LRRC37A: variants seen among roughly 807,000 people sequenced by gnomAD.
LRRC37A encodes leucine-rich repeat-containing protein 37A.
A neutral mutation model predicts 35.4 loss-of-function variants in LRRC37A; 3 were observed. That is an observed-to-expected ratio of 0.08 (90% CI 0.04 to 0.22). The LOEUF (loss-of-function observed/expected upper bound fraction) is 0.22. LRRC37A is among the 10% of genes least tolerant of loss of function. The pLI is 1.00. For synonymous variants in LRRC37A, 23 were observed against 215.0 expected, an observed-to-expected ratio of 0.11 and a Z score of 7.81; for missense variants, 67 against 565.3, an observed-to-expected ratio of 0.12 and a Z score of 8.94.
chr17:46,268,755 A>G, the LRRC37A span: 16 of 1,192,184 alleles, frequency 1.3e-5, no homozygotes, highest in Middle Eastern at 2.4e-4. Flanking sequence ...TGAAAGGTCT[A>G]TCTTCATGTA....
At chr17:46,275,711 T>C in the LRRC37A span, among the ~76,000 whole-genome samples, 1 of 152,220 alleles carries the variant, frequency 6.6e-6, no homozygotes, top group Non-Finnish European at 1.5e-5. Context: ...AATAGAGACA[T>C]TTACAGAAGC....
chr17:46,290,465 G>A (rs2050036112), upstream of LRRC37A, among the ~76,000 whole-genome samples: 2 of 152,202 alleles, frequency 1.3e-5, no homozygotes, highest in Non-Finnish European at 2.9e-5. Flanking sequence ...TGAAGCTACA[G>A]TTTTTTGTTT....
At chr17:46,287,248 A>G in the LRRC37A span, among the ~76,000 whole-genome samples, 1 of 152,216 alleles carries the variant, frequency 6.6e-6, no homozygotes, top group Non-Finnish European at 1.5e-5. Context: ...TAAACCACAC[A>G]CTGATGGTAA....
At chr17:46,251,013 C>A in the LRRC37A span, among the ~76,000 whole-genome samples, 6 of 152,310 alleles carry the variant, frequency 3.9e-5, no homozygotes, top group Admixed American at 1.3e-4. Flanking sequence ...TTCTCAGCCT[C>A]CTGAGAGCCC....
upstream of LRRC37A, among the ~76,000 whole-genome samples, chr17:46,289,170 C>G (rs1319126791): frequency 6.6e-6 from 1 of 152,238 alleles, no homozygotes; most frequent in African/African-American, 2.4e-5. Context: ...GAAATCATAT[C>G]TATGACCAAG....
chr17:46,268,531 T>G, the LRRC37A span: 2 of 1,450,598 alleles, frequency 1.4e-6, no homozygotes, highest in South Asian at 3.0e-5. Flanking sequence ...ATGGGCCACA[T>G]CTACCATAAG....
At chr17:46,290,149 A>G (rs1348070574), upstream of LRRC37A, among the ~76,000 whole-genome samples, 4 of 152,248 alleles carry the variant, frequency 2.6e-5, no homozygotes. Context: ...TTTTTTTTGG[A>G]GACAGGGCCT....
intron 5 of LRRC37A, among the ~76,000 whole-genome samples, chr17:46,316,783 T>C (rs1264575607): frequency 1.0e-5 from 1 of 96,748 alleles, no homozygotes; most frequent in African/African-American, 3.5e-5. Flanking sequence ...TTTGTGTCCC[T>C]GGGTACTTGA....
the LRRC37A span, among the ~76,000 whole-genome samples, chr17:46,270,871 G>C: frequency 6.6e-6 from 1 of 152,222 alleles, no homozygotes; most frequent in Admixed American, 6.5e-5. Context: ...CTGCCCTCCA[G>C]CCTGGGCAAC....
the LRRC37A span, among the ~76,000 whole-genome samples, chr17:46,277,737 C>T: frequency 2.4e-4 from 36 of 151,978 alleles, no homozygotes; most frequent in Admixed American, 1.5e-3. Context: ...ACCTCCTCCT[C>T]CTGGGTTCAA....
chr17:46,273,993 T>C, the LRRC37A span, among the ~76,000 whole-genome samples: 3 of 152,248 alleles, frequency 2.0e-5, no homozygotes, highest in African/African-American at 7.2e-5. Context: ...GATCAACTGA[T>C]GCGACAGGAT....
chr17:46,268,587 C>T, the LRRC37A span: 1 of 1,539,398 alleles, frequency 6.5e-7, no homozygotes, highest in Non-Finnish European at 8.8e-7. Flanking sequence ...GAGAGGCCAT[C>T]TCTGTCCAGG....
At chr17:46,323,345 A>G (rs1490463770) in intron 7 of LRRC37A, among the ~76,000 whole-genome samples, 7 of 87,036 alleles carry the variant, frequency 8.0e-5, no homozygotes, top group African/African-American at 2.5e-4. Flanking sequence ...TGTCTTATAA[A>G]TGAAATCATA....
intron 6 of LRRC37A, among the ~76,000 whole-genome samples, 187 bp downstream of exon 6, chr17:46,322,580 G>C (rs1768846938): frequency 1.8e-5 from 1 of 55,000 alleles, no homozygotes; most frequent in Admixed American, 2.2e-4. Flanking sequence ...GCCAGCAGGG[G>C]AAGAGAACAG....
At chr17:46,277,406 C>T in the LRRC37A span, among the ~76,000 whole-genome samples, 109 of 152,310 alleles carry the variant, frequency 7.2e-4, 1 homozygote, top group African/African-American at 2.5e-3. Context: ...GTAGGATTCA[C>T]ACCCCTTGGC....
the LRRC37A span, among the ~76,000 whole-genome samples, chr17:46,284,745 A>G: frequency 6.6e-6 from 1 of 152,270 alleles, no homozygotes; most frequent in African/African-American, 2.4e-5. Context: ...ATGAGGTGGC[A>G]GAGATGTGAT....
At chr17:46,284,004 C>T in the LRRC37A span, among the ~76,000 whole-genome samples, 13 of 151,584 alleles carry the variant, frequency 8.6e-5, no homozygotes, top group Admixed American at 3.9e-4. Flanking sequence ...AGCCCTAAGG[C>T]GGTTTTTCCC....
the LRRC37A span, among the ~76,000 whole-genome samples, chr17:46,271,110 A>C: frequency 4.9e-4 from 74 of 151,592 alleles, no homozygotes; most frequent in Admixed American, 1.3e-3. Flanking sequence ...TATCCATGGA[A>C]TATCCCCATT....
the LRRC37A span, chr17:46,260,402 T>C: frequency 6.8e-7 from 1 of 1,480,412 alleles, no homozygotes. Flanking sequence ...GCAGGATAGC[T>C]GGTGCTCATA....
Sources: gnomAD v4.1 joint callset for allele counts (sites outside exome capture counted in the v4.1 genomes callset) on GRCh38, gnomAD v4.1.1 for gene constraint, MANE v1.5 for transcripts, NCBI Gene and HGNC (gene_info 2026-07-23, HGNC 2026-07-21) for gene names.